NOL4L: variants seen among roughly 807,000 people sequenced by gnomAD.
The protein encoded by NOL4L is nucleolar protein 4-like.
In NOL4L, 7 loss-of-function variants were observed where a neutral mutation model predicts 64.5. The observed-to-expected ratio is 0.11, with a 90% confidence interval of 0.06 to 0.20. The LOEUF is 0.20. NOL4L is among the 10% of genes least tolerant of loss of function. The pLI, the probability that NOL4L is intolerant of heterozygous loss-of-function variation, is 1.00. For missense variants in NOL4L, 680 were observed against 967.1 expected, an observed-to-expected ratio of 0.70 and a Z score of 3.94; for synonymous variants, 413 against 401.0, an observed-to-expected ratio of 1.03 and a Z score of -0.36.
chr20:32,450,813 G>A (rs1341712137), intron 10 of NOL4L, among the ~76,000 whole-genome samples: 3 of 152,212 alleles, frequency 2.0e-5, no homozygotes, highest in African/African-American at 7.2e-5. Context: ...TGGAATGAAA[G>A]GAGCCCGCCT....
At chr20:32,505,631 G>A (rs1184235749) in intron 4 of NOL4L, among the ~76,000 whole-genome samples, 2 of 152,214 alleles carry the variant, frequency 1.3e-5, no homozygotes, top group African/African-American at 4.8e-5. Context: ...GAGGTGGGCA[G>A]ATTGAGCCCG....
chr20:32,585,049 GC>G lies in NOL4L; in HGVS notation c.-160del. The G allele has an allele frequency of 4.2e-6, 1 of 238,800 alleles. No homozygotes were observed. The highest frequency in any genetic ancestry group is 6.7e-6 in the Non-Finnish European group (1 of 148,988). The allele number at this position is 238,800 out of a possible 1,614,324, so 14.8% of individuals were successfully genotyped here. ...GGCTGCTGGATGGGCGCGGGCGGCG[GC>G]CGGACGCGCGGGGCTGCGGCGCGCT... is the stretch of plus-strand genomic sequence containing the variant. On this transcript the variant is annotated 5_prime_UTR_variant, in exon 1 of 11. Coordinates refer to ENST00000621426, the MANE Select transcript of NOL4L (RefSeq NM_001256798.2).
rs1442638081 is a variant in NOL4L at position 32,452,199 on chromosome 20, G to C, written c.1822+37C>G. 16 of 1,489,344 alleles carry C rather than the reference G, an allele frequency of 1.1e-5. No individual in the cohort carries two copies. In the South Asian group the frequency reaches 2.2e-4, roughly 21 times the overall value. The allele number at this position is 1,489,344 out of a possible 1,614,324, so 92.3% of individuals were successfully genotyped here. ...TGCTCTGCAGACCCAGCTGGGTGCTGGTCGGGAAGCCAGAGCCCAGGCCTC... is the reference window on the plus strand; with the variant it reads ...TGCTCTGCAGACCCAGCTGGGTGCTCGTCGGGAAGCCAGAGCCCAGGCCTC... On this transcript the variant is annotated intron_variant, in intron 10 of 10. Coordinates refer to ENST00000621426, the MANE Select transcript of NOL4L (RefSeq NM_001256798.2).
At chr20:32,449,290 A>C (rs2012632417) in intron 10 of NOL4L, among the ~76,000 whole-genome samples, 1 of 152,120 alleles carries the variant, frequency 6.6e-6, no homozygotes, top group African/African-American at 2.4e-5. Flanking sequence ...TCCCCCAGCT[A>C]CCCTGAAAGT....
chr20:32,485,695 A>C, intron 4 of NOL4L: 2 of 467,744 alleles, frequency 4.3e-6, no homozygotes, highest in South Asian at 3.1e-5. Flanking sequence ...TTTAGAACGA[A>C]CTAGTGGCCA....
intron 10 of NOL4L, chr20:32,449,900 C>G (rs1322333446): frequency 2.0e-5 from 3 of 152,434 alleles, no homozygotes; most frequent in Non-Finnish European, 4.4e-5. Context: ...CGGTTCCTTT[C>G]TTTTCTCCTC....
Position 32,566,706 on chromosome 20 carries a change from G to A in NOL4L, c.321+17864C>T, listed in dbSNP as rs75365050. Among the ~76,000 whole-genome samples, 97 of 152,252 alleles carry A rather than the reference G, an allele frequency of 6.4e-4. 4 individuals are homozygous for A. In the East Asian group the frequency reaches 0.017, roughly 26 times the overall value. ...AAAATGTCACATTTTATAGCTGAAG[G>A]CCTCTCACTGAGGCCCTCCCTGACA... On this transcript the variant is annotated intron_variant, in intron 1 of 10. Coordinates refer to ENST00000621426, the MANE Select transcript of NOL4L (RefSeq NM_001256798.2).
chr20:32,532,323 C>T (rs975754642), intron 1 of NOL4L: 2 of 984,474 alleles, frequency 2.0e-6, no homozygotes, highest in Non-Finnish European at 1.2e-6. Flanking sequence ...ATACCTTGAA[C>T]TGTCCTCTGG....
chr20:32,487,893 A>G (rs293542), intron 4 of NOL4L, among the ~76,000 whole-genome samples: 18,014 of 151,772 alleles, frequency 0.12, 1,584 homozygotes, highest in African/African-American at 0.25. Context: ...GCAACAGTTT[A>G]TTCATCTACA....
rs1568649253 is a variant in NOL4L, at chr20:32,488,855, CTTTCTTTCTTTCTTTCTTTCTTTCT to C, written c.700-14138_700-14114del. 2.1e-3 allele frequency among the ~76,000 whole-genome samples: 155 copies of C among 73,606 alleles called. 6 individuals are homozygous for C. Among genetic ancestry groups the C allele is most frequent in the African/African-American group, 0.011 (140 of 12,334 alleles). 48.3% of individuals were successfully genotyped at this position (73,606 alleles called of 152,430 possible). A position where few individuals can be genotyped will look rare whatever the true frequency, so the allele number is the denominator to read the frequency against. ...TCTTTCTTTCTTTCTTTCTTTCTTT[CTTTCTTTCTTTCTTTCTTTCTTTCT>C]TTCTTTCTTTCTTTCCTCTCTCTTT... On this transcript the variant is annotated intron_variant, in intron 4 of 10. Transcript: ENST00000621426.
chr20:32,504,366 C>T (rs937033001), intron 4 of NOL4L, among the ~76,000 whole-genome samples: 6 of 152,068 alleles, frequency 3.9e-5, no homozygotes, highest in Non-Finnish European at 8.8e-5. Context: ...CGAGACCATC[C>T]TGGCTAACAC....
intron 4 of NOL4L, among the ~76,000 whole-genome samples, chr20:32,488,879 CTTTCT>C (rs2016325276): frequency 3.5e-5 from 3 of 84,936 alleles, no homozygotes; most frequent in African/African-American, 1.3e-4. Flanking sequence ...TTCTTTCTTT[CTTTCT>C]TTCTTTCTTT....
Position 32,453,547 on chromosome 20 carries a change from C to T in NOL4L, c.1305+29G>A, listed in dbSNP as rs1186795310. The T allele has an allele frequency of 6.2e-7, 1 of 1,613,670 alleles. No individual in the cohort carries two copies. ...GCTGGCCCTGGCCTTGCCCCCATCCCACCCCACCTGTTTCCGGCCGGTGCT... is the reference window on the plus strand; with the variant it reads ...GCTGGCCCTGGCCTTGCCCCCATCCTACCCCACCTGTTTCCGGCCGGTGCT... On this transcript the variant is annotated intron_variant, in intron 7 of 10. Coordinates refer to ENST00000621426, the MANE Select transcript of NOL4L (RefSeq NM_001256798.2). The surrounding 1 kb of genome is among the most constrained non-coding windows in gnomAD (Gnocchi z 5.6).
chr20:32,523,194 G>C (rs1472715476), intron 2 of NOL4L, among the ~76,000 whole-genome samples: 1 of 152,180 alleles, frequency 6.6e-6, no homozygotes, highest in African/African-American at 2.4e-5. Context: ...TCTGGCCCTG[G>C]GTCCCATTGA....
chr20:32,584,558 G>A lies in NOL4L; in HGVS notation c.321+12C>T. The stretch of plus-strand genomic sequence containing the variant: ...GGCGGGACCCGCCCGCGGCCGCCGC[G>A]CGCGCACTCACCGAGCCCGTCTTGA... On this transcript the variant is annotated intron_variant, in intron 1 of 10. Coordinates refer to ENST00000621426, the MANE Select transcript of NOL4L (RefSeq NM_001256798.2). 1 of 1,193,060 alleles carries A rather than the reference G, an allele frequency of 8.4e-7. No individual in the cohort carries two copies. Among genetic ancestry groups the A allele is most frequent in the South Asian group, 2.4e-5 (1 of 41,282 alleles). 73.9% of individuals were successfully genotyped at this position (1,193,060 alleles called of 1,614,324 possible).
intron 1 of NOL4L, among the ~76,000 whole-genome samples, chr20:32,545,950 CTTTT>C (rs11327665): frequency 2.2e-5 from 3 of 133,922 alleles, no homozygotes; most frequent in African/African-American, 3.0e-5. Context: ...TCTTTCTTTT[CTTTT>C]TTTTTTTTTT....
At chr20:32,484,160 C>G (rs2015936310) in intron 4 of NOL4L, among the ~76,000 whole-genome samples, 1 of 152,130 alleles carries the variant, frequency 6.6e-6, no homozygotes, top group African/African-American at 2.4e-5. Flanking sequence ...CCCCTTCGGG[C>G]AGCCTTCGAC....
intron 1 of NOL4L, among the ~76,000 whole-genome samples, chr20:32,542,935 G>A (rs1262657605): frequency 1.3e-5 from 2 of 152,148 alleles, no homozygotes; most frequent in Admixed American, 6.5e-5. Flanking sequence ...CCGACCTCAC[G>A]GGGTTGTGAG....
intron 2 of NOL4L, among the ~76,000 whole-genome samples, chr20:32,525,630 T>C (rs1345632145): frequency 6.6e-6 from 1 of 152,234 alleles, no homozygotes; most frequent in Non-Finnish European, 1.5e-5. Flanking sequence ...GGTCTTGCTC[T>C]GTCACCCAGG....
Sources: allele counts gnomAD v4.1 joint callset (sites outside exome capture counted in the v4.1 genomes callset), GRCh38; gene constraint gnomAD v4.1.1; non-coding constraint Gnocchi (gnomAD v3.1); transcripts MANE v1.5; gene names NCBI Gene and HGNC (gene_info 2026-07-23, HGNC 2026-07-21).